PLEKHG5: variants seen among roughly 807,000 people sequenced by gnomAD.
PLEKHG5 encodes the protein pleckstrin homology and RhoGEF domain containing G5.
A neutral mutation model predicts 103.8 loss-of-function variants in PLEKHG5; 52 were observed. The observed-to-expected ratio is 0.50, with a 90% CI of 0.40 to 0.63. The LOEUF (loss-of-function observed/expected upper bound fraction) is 0.63. Ranked by LOEUF, PLEKHG5 falls within the 30% of genes least tolerant of loss-of-function variation. The probability of loss-of-function intolerance (pLI) is 0.00; values close to 1 mark genes in which losing one functional copy is unlikely to be tolerated. For missense variants in PLEKHG5, 1,205 were observed against 1,347.6 expected (o/e 0.89, Z 1.66); for synonymous variants, 592 against 575.5 (o/e 1.03, Z -0.41).
At chr1:6,475,395 G>A (rs959121898) in intron 4 of PLEKHG5, 67 bp downstream of exon 4, 3 of 1,387,580 alleles carry the variant, frequency 2.2e-6, no homozygotes, top group Non-Finnish European at 3.1e-6. Flanking sequence ...CCGGAGGAAG[G>A]CCCAGGCTCG....
upstream of PLEKHG5, chr1:6,497,212 C>A (rs1029246082): frequency 1.2e-6 from 1 of 860,402 alleles, no homozygotes; most frequent in South Asian, 1.4e-5. This position sits in a 1 kb window ranked among gnomAD's most constrained non-coding sequence, Gnocchi z 6.1. Context: ...GAAGCCCGGT[C>A]GGCGCCCACC....
At chr1:6,481,489 C>A (rs764890940) in intron 1 of PLEKHG5, among the ~76,000 whole-genome samples, 50 of 151,074 alleles carry the variant, frequency 3.3e-4, no homozygotes, top group Non-Finnish European at 6.5e-4. Flanking sequence ...CGAGATTGTG[C>A]CATCGCACTC....
upstream of PLEKHG5, among the ~76,000 whole-genome samples, chr1:6,498,561 T>C (rs1266745764): frequency 1.3e-5 from 2 of 152,124 alleles, no homozygotes; most frequent in African/African-American, 2.4e-5. Context: ...TGACAAGACT[T>C]GGGGAGCTCA....
intron 14 of PLEKHG5, 44 bp downstream of exon 14, chr1:6,470,691 A>G: frequency 6.4e-7 from 1 of 1,552,730 alleles, no homozygotes; most frequent in Non-Finnish European, 8.7e-7. Context: ...GACGGAGCAG[A>G]GAGCCGCGCA....
chr1:6,475,892 C>A, intron 3 of PLEKHG5, 39 bp downstream of exon 3: 1 of 1,512,952 alleles, frequency 6.6e-7, no homozygotes. Context: ...AGCCGTGGGG[C>A]CCTCCAGGTA....
At chr1:6,519,300 T>C in intron 1 of PLEKHG5, 1 of 727,658 alleles carries the variant, frequency 1.4e-6, no homozygotes, top group Non-Finnish European at 2.5e-6. Context: ...ACCAAATGGA[T>C]CCAGCCTGCA....
At chr1:6,473,883 T>G in intron 7 of PLEKHG5, 130 bp downstream of exon 7, 1 of 931,298 alleles carries the variant, frequency 1.1e-6, no homozygotes, top group South Asian at 1.7e-5. Context: ...AACCCCATTT[T>G]CCAGAAGGGA....
In PLEKHG5 at chr1:6,471,606, G is replaced by C. The variant is rs746094917; in HGVS notation, c.1163C>G (p.Pro388Arg). The C allele has an allele frequency of 5.6e-6, 9 of 1,594,794 alleles. No homozygotes were observed. Among genetic ancestry groups the C allele is most frequent in the Non-Finnish European group, 7.7e-6 (9 of 1,171,746 alleles). ...VEAERLFSNI[P>R]EIAQLHRRLW... ...CCTGCGGTGCAGCTGCGCGATCTCC[G>C]GGATGTTGCTGAACAGGCGCTCCGC... is the stretch of plus-strand genomic sequence containing the variant. The change falls in exon 12 of 21, where the codon CCG becomes CGG. Residue 388 changes from proline to arginine, a missense_variant. Pro to Arg is a moderately radical substitution (Grantham distance 103). Coordinates refer to ENST00000377728, the MANE Select transcript of PLEKHG5 (RefSeq NM_020631.6).
Position 6,467,468 on chromosome 1 carries a change from CAG to C in PLEKHG5, c.*93_*94del. ...CTGCCCAGCATCCGGCTCATGCATACAGGAGGCAGTAGCTGAAGCAGGTGCCG... is the reference window on the plus strand; with the variant it reads ...CTGCCCAGCATCCGGCTCATGCATACGAGGCAGTAGCTGAAGCAGGTGCCG... On this transcript the variant is annotated 3_prime_UTR_variant, in exon 21 of 21. Coordinates refer to ENST00000377728, the MANE Select transcript of PLEKHG5 (RefSeq NM_020631.6). The C allele has an allele frequency of 1.7e-6, 2 of 1,200,644 alleles. No homozygotes were observed. The highest frequency in any genetic ancestry group is 2.5e-6 in the Non-Finnish European group (2 of 803,956). The allele number at this position is 1,200,644 out of a possible 1,614,324, so 74.4% of individuals were successfully genotyped here.
intron 1 of PLEKHG5, among the ~76,000 whole-genome samples, chr1:6,507,193 C>A (rs1429911017): frequency 6.6e-6 from 1 of 152,138 alleles, no homozygotes; most frequent in African/African-American, 2.4e-5. Flanking sequence ...ATCCACGTGA[C>A]CTGTGCCCCA....
chr1:6,496,901 C>G (rs1209470118), upstream of PLEKHG5: 1 of 1,410,828 alleles, frequency 7.1e-7, no homozygotes, highest in Non-Finnish European at 9.3e-7. Context: ...CCCAGGGGGT[C>G]CCGGCAGGGC....
At chr1:6,482,677 C>G (rs941304680) in intron 1 of PLEKHG5, among the ~76,000 whole-genome samples, 3 of 152,300 alleles carry the variant, frequency 2.0e-5, no homozygotes, top group East Asian at 3.9e-4. Context: ...GTGTGGGGCT[C>G]TGGATCCCAG....
chr1:6,469,762 G>T (rs889016989), intron 16 of PLEKHG5, 86 bp from the exon 17 acceptor site: 3 of 1,377,330 alleles, frequency 2.2e-6, no homozygotes, highest in South Asian at 1.3e-5. Flanking sequence ...GGGAGCACTC[G>T]GTTTTTGTCA....
intron 7 of PLEKHG5, 102 bp downstream of exon 7, chr1:6,473,911 T>C (rs1644673774): frequency 1.0e-5 from 12 of 1,143,226 alleles, no homozygotes; most frequent in Non-Finnish European, 1.4e-5. Context: ...AACCCCAAGA[T>C]GGGGCAGTGA....
chr1:6,485,205 T>C (rs1644997995), intron 1 of PLEKHG5: 1 of 663,530 alleles, frequency 1.5e-6, no homozygotes, highest in East Asian at 3.5e-5. Context: ...ATCCTTCCCC[T>C]GGGGGCCGCG....
At chr1:6,495,267 G>A (rs977556494), upstream of PLEKHG5, among the ~76,000 whole-genome samples, 1 of 152,220 alleles carries the variant, frequency 6.6e-6, no homozygotes, top group Non-Finnish European at 1.5e-5. Flanking sequence ...CCAGCAGATT[G>A]TATCTGACAT....
chr1:6,498,007 C>T (rs569153473), upstream of PLEKHG5, among the ~76,000 whole-genome samples: 190 of 152,078 alleles, frequency 1.2e-3, 1 homozygote, highest in South Asian at 2.7e-3. Flanking sequence ...TCGTGCCAAC[C>T]GGTCCCCCCA....
At chr1:6,492,311 C>A (rs1424898850), upstream of PLEKHG5, among the ~76,000 whole-genome samples, 1 of 152,166 alleles carries the variant, frequency 6.6e-6, no homozygotes, top group Non-Finnish European at 1.5e-5. Flanking sequence ...CCTCCATGCC[C>A]CCTTGTGACC....
At chr1:6,512,463 G>C (rs908415479) in intron 1 of PLEKHG5, among the ~76,000 whole-genome samples, 2 of 152,068 alleles carry the variant, frequency 1.3e-5, no homozygotes, top group Non-Finnish European at 2.9e-5. Context: ...CCGAGTGTGT[G>C]GGGGGCAGGG....
Sources: gnomAD v4.1 joint callset for allele counts (sites outside exome capture counted in the v4.1 genomes callset) on GRCh38, gnomAD v4.1.1 for gene constraint, Gnocchi (gnomAD v3.1) non-coding constraint, MANE v1.5 for transcripts, NCBI Gene and HGNC (gene_info 2026-07-23, HGNC 2026-07-21) for gene names.